Variants in MMP28 observed in about 807,000 individuals in gnomAD.
MMP28 encodes the protein matrix metallopeptidase 28.
A neutral mutation model predicts 60.5 loss-of-function variants in MMP28; 55 were observed. The observed-to-expected ratio is 0.91, with a 90% confidence interval of 0.73 to 1.14. The LOEUF (loss-of-function observed/expected upper bound fraction) is 1.14. Among genes scored for constraint, MMP28 ranks in the 50% most tolerant of loss-of-function variants. The pLI is 0.00. For synonymous variants in MMP28, 318 were observed against 312.5 expected (o/e 1.02, Z -0.18); for missense variants, 686 against 738.3 (o/e 0.93, Z 0.82).
intron 1 of MMP28, among the ~76,000 whole-genome samples, chr17:35,780,457 G>A (rs889889481): frequency 1.3e-5 from 2 of 152,164 alleles, no homozygotes; most frequent in African/African-American, 4.8e-5. Context: ...TCTAAAAGAT[G>A]TATTTTTTGA....
rs760956182 is a variant in MMP28, at chr17:35,766,581, C to T, written c.1482G>A (p.Gln494=). 1 of 1,612,306 alleles carries T rather than the reference C, an allele frequency of 6.2e-7. No individual in the cohort carries two copies. The highest frequency in any genetic ancestry group is 8.5e-7 in the Non-Finnish European group (1 of 1,179,710). Residue 494 remains glutamine, a synonymous_variant, in exon 8 of 8, where the codon CAG becomes CAA. Coordinates refer to ENST00000605424, the MANE Select transcript of MMP28 (RefSeq NM_024302.5). The surrounding 1 kb of genome is among the most constrained non-coding windows in gnomAD (Gnocchi z 4.3). ...TGGCCCAGCGGCCCGAGGTGGTTGC[C>T]TGCAGTTTGGCCTGGTCGAGGCGCC... ...RYWRLDQAKL[Q]ATTSGRWATE... is the part of the protein sequence containing the mutation.
intron 1 of MMP28, among the ~76,000 whole-genome samples, chr17:35,784,137 C>T (rs931181057): frequency 3.9e-5 from 6 of 152,152 alleles, no homozygotes; most frequent in African/African-American, 1.2e-4. Context: ...AAAAAATTAG[C>T]TAGGCATGGT....
At chr17:35,786,548 T>C (rs1415962527) in intron 1 of MMP28, among the ~76,000 whole-genome samples, 1 of 152,106 alleles carries the variant, frequency 6.6e-6, no homozygotes, top group Admixed American at 6.5e-5. Context: ...CATTCAAGTG[T>C]ATCTTTGGCA....
intron 1 of MMP28, among the ~76,000 whole-genome samples, chr17:35,779,773 T>TTG (rs754769060): frequency 3.6e-4 from 55 of 152,300 alleles, no homozygotes; most frequent in African/African-American, 1.3e-3. Context: ...AGGGGTTTTT[T>TTG]TGTGTGTGTG....
chr17:35,770,336 G>A (rs2086092400), intron 4 of MMP28, 24 bp from the exon 5 acceptor site: 48 of 1,476,062 alleles, frequency 3.3e-5, no homozygotes, highest in Non-Finnish European at 4.3e-5. Context: ...AGAAGGTCAG[G>A]GGGTGCCACG....
chr17:35,762,260 G>C (rs1168947006), downstream of MMP28, among the ~76,000 whole-genome samples: 1 of 152,166 alleles, frequency 6.6e-6, no homozygotes, highest in East Asian at 1.9e-4. Context: ...AAAGTGCTGG[G>C]ATTACAGGCA....
At position 35,795,260 on chromosome 17, in the gene MMP28, G is replaced by A; in HGVS notation, c.111+7C>T. Reference sequence around the variant, plus strand: ...GCACCGCTCTCCGCCAGGTACACACGGCGTACCTCCGCCTCCTTGCGCAGC... The same window carrying A: ...GCACCGCTCTCCGCCAGGTACACACAGCGTACCTCCGCCTCCTTGCGCAGC... On this transcript the variant is annotated splice_region_variant and intron_variant, in intron 1 of 7. Coordinates refer to ENST00000605424, the MANE Select transcript of MMP28 (RefSeq NM_024302.5). The A allele has an allele frequency of 2.1e-6, 3 of 1,408,474 alleles. No individual in the cohort carries two copies. The highest frequency in any genetic ancestry group is 2.8e-6 in the Non-Finnish European group (3 of 1,079,070). The allele number at this position is 1,408,474 out of a possible 1,614,324, so 87.2% of individuals were successfully genotyped here. A position where few individuals can be genotyped will look rare whatever the true frequency, so the allele number is the denominator to read the frequency against.
intron 1 of MMP28, among the ~76,000 whole-genome samples, chr17:35,789,569 C>T (rs2086749296): frequency 6.6e-6 from 1 of 150,978 alleles, no homozygotes; most frequent in South Asian, 2.1e-4. Context: ...AGCTGCATCC[C>T]ACAAATATTG....
rs140424333 is a variant in MMP28 at position 35,776,497 on chromosome 17, A to G, written c.379+2391T>C. ...AGCTGCCAGATAAGTTTCTTTTTTT[A>G]ACTTTAAAAAACTATCTGTTGTTCA... On this transcript the variant is annotated intron_variant, in intron 3 of 7. Coordinates refer to ENST00000605424, the MANE Select transcript of MMP28 (RefSeq NM_024302.5). Among the ~76,000 whole-genome samples the G allele has an allele frequency of 4.7e-4, 71 of 152,100 alleles. No homozygotes were observed. In the East Asian group the frequency reaches 0.013, roughly 28 times the overall value.
chr17:35,766,650 C>T lies in MMP28; in HGVS notation c.1413G>A (p.Pro471=), dbSNP rs747072281. ...GIPEEVSGAL[P]RPDGSIIFFR... ...AGAAGATGATGGAGCCATCGGGCCT[C>T]GGCAGGGCGCCGCTGACCTCCTCAG... The change falls in exon 8 of 8, where the codon CCG becomes CCA. Residue 471 remains proline (P), a synonymous_variant. Transcript: ENST00000605424. The surrounding 1 kb of genome is among the most constrained non-coding windows in gnomAD (Gnocchi z 4.3). 1.2e-5 allele frequency: 19 copies of T among 1,611,592 alleles called. No individual in the cohort carries two copies. The highest frequency in any genetic ancestry group is 8.8e-5 in the South Asian group (8 of 90,982).
At chr17:35,764,204 T>C, downstream of MMP28, 1 of 1,547,516 alleles carries the variant, frequency 6.5e-7, no homozygotes, top group South Asian at 1.2e-5. Context: ...AGTGTCCTAC[T>C]GCCCGCTGCG....
Position 35,765,966 on chromosome 17 carries a change from G to A in MMP28, c.*534C>T. On this transcript the variant is annotated 3_prime_UTR_variant, in exon 8 of 8. Coordinates refer to ENST00000605424, the MANE Select transcript of MMP28 (RefSeq NM_024302.5). ...TGCATCAGTCTCCCTCCCACTCTGT[G>A]TCCTGACCCCACAAAGGGCCTCTGA... 2.0e-6 allele frequency: 2 copies of A among 985,410 alleles called. No homozygotes were observed. Among genetic ancestry groups the A allele is most frequent in the Non-Finnish European group, 2.4e-6 (2 of 829,930 alleles). 61.0% of individuals were successfully genotyped at this position (985,410 alleles called of 1,614,324 possible).
chr17:35,794,856 C>T (rs553384849), intron 1 of MMP28, among the ~76,000 whole-genome samples: 107 of 152,312 alleles, frequency 7.0e-4, no homozygotes, highest in African/African-American at 2.4e-3. Flanking sequence ...AGCGCTGTGT[C>T]CCGCGTCCCG....
chr17:35,762,728 C>A (rs1555601740), downstream of MMP28, among the ~76,000 whole-genome samples: 1 of 152,146 alleles, frequency 6.6e-6, no homozygotes, highest in Non-Finnish European at 1.5e-5. Flanking sequence ...ACCCGCCTGC[C>A]CACCCCACCA....
chr17:35,764,619 G>A (rs782594373), downstream of MMP28: 33 of 1,578,276 alleles, frequency 2.1e-5, no homozygotes, highest in Middle Eastern at 4.6e-4. Context: ...GAACTCCTGA[G>A]CGCCCCCGCT....
intron 1 of MMP28, among the ~76,000 whole-genome samples, chr17:35,791,539 G>T (rs182939334): frequency 3.6e-4 from 55 of 152,198 alleles, no homozygotes; most frequent in Middle Eastern, 3.4e-3. Context: ...TTATTATTTT[G>T]CTTTAAGCAG....
At chr17:35,762,421 T>A (rs1440737675), downstream of MMP28, among the ~76,000 whole-genome samples, 1 of 152,182 alleles carries the variant, frequency 6.6e-6, no homozygotes, top group East Asian at 1.9e-4. Context: ...TGGTGAATGT[T>A]TGCTGAATGG....
chr17:35,763,094 C>T (rs587700171), downstream of MMP28, among the ~76,000 whole-genome samples: 2 of 149,828 alleles, frequency 1.3e-5, no homozygotes, highest in Non-Finnish European at 3.0e-5. Context: ...TGCACTCCAG[C>T]CTGGGCGACA....
chr17:35,786,566 C>A (rs1473366293), intron 1 of MMP28, among the ~76,000 whole-genome samples: 2 of 151,872 alleles, frequency 1.3e-5, no homozygotes. Flanking sequence ...GCATTATTAG[C>A]CAAGTCAAGA....
Sources: allele counts gnomAD v4.1 joint callset (sites outside exome capture counted in the v4.1 genomes callset), GRCh38; gene constraint gnomAD v4.1.1; non-coding constraint Gnocchi (gnomAD v3.1); transcripts MANE v1.5; gene names NCBI Gene and HGNC (gene_info 2026-07-23, HGNC 2026-07-21).